RIOX2: variants seen among roughly 807,000 people sequenced by gnomAD.
RIOX2 encodes ribosomal oxygenase 2, also known as 60S ribosomal protein L27a histidine hydroxylase.
RIOX2 carries 43 observed loss-of-function variants against 51.2 expected under a neutral mutation model. That is an observed-to-expected ratio of 0.84 (90% CI 0.66 to 1.08). RIOX2 has a LOEUF of 1.08. Ranked by LOEUF, RIOX2 falls within the 50% of genes least tolerant of loss-of-function variation. RIOX2 has a pLI of 0.00. For synonymous variants in RIOX2, 226 were observed against 218.5 expected (o/e 1.03, Z -0.30); for missense variants, 566 against 561.7 (o/e 1.01, Z -0.08).
At chr3:97,962,212 G>GT (rs1043142718) in intron 2 of RIOX2, among the ~76,000 whole-genome samples, 36 of 152,102 alleles carry the variant, frequency 2.4e-4, no homozygotes, top group Admixed American at 1.4e-3. Flanking sequence ...AAGGAGCGGA[G>GT]TTAAAAAAAA....
intron 7 of RIOX2, 33 bp downstream of exon 7, chr3:97,949,811 T>G: frequency 1.2e-6 from 2 of 1,603,882 alleles, no homozygotes; most frequent in Non-Finnish European, 1.7e-6. Context: ...TGCATTAGCC[T>G]CTGACCACCC....
intron 2 of RIOX2, among the ~76,000 whole-genome samples, chr3:97,965,891 C>T (rs554078063): frequency 2.6e-5 from 4 of 152,312 alleles, no homozygotes; most frequent in South Asian, 4.1e-4. Flanking sequence ...ACTAGCTCAG[C>T]GAGAAGCATT....
In RIOX2 at chr3:97,942,979, A is replaced by ATTG. The variant is rs1317528760; in HGVS notation, c.*2204_*2205insCAA. On this transcript the variant is annotated 3_prime_UTR_variant, in exon 10 of 10. Coordinates refer to ENST00000394198, the MANE Select transcript of RIOX2 (RefSeq NM_153182.4). ...AGAGCACTTTGTTCTAAAGAATCACATTAAGGCACGCCACTTATACAATCA... is the reference window on the plus strand; with the variant it reads ...AGAGCACTTTGTTCTAAAGAATCACATTGTTAAGGCACGCCACTTATACAATCA... 6 of 430,308 alleles carry ATTG rather than the reference A, an allele frequency of 1.4e-5. No homozygotes were observed. Among genetic ancestry groups the ATTG allele is most frequent in the African/African-American group, 4.2e-5 (2 of 47,578 alleles). 26.7% of individuals were successfully genotyped at this position (430,308 alleles called of 1,614,324 possible).
At chr3:97,959,262 A>G in intron 3 of RIOX2, 83 bp from the exon 4 acceptor site, 1 of 1,238,090 alleles carries the variant, frequency 8.1e-7, no homozygotes, top group Middle Eastern at 2.8e-4. Flanking sequence ...TAGCCCTCTA[A>G]GGGGCTAATA....
rs776111591 is a variant in RIOX2, at chr3:97,967,192, C to T, written c.402G>A (p.Thr134=). 4.3e-6 allele frequency: 7 copies of T among 1,613,904 alleles called. No individual in the cohort carries two copies. The highest frequency in any genetic ancestry group is 4.5e-5 in the East Asian group (2 of 44,908). ...LRKDFDQKRA[T]IQFHQPQRFK... The stretch of plus-strand genomic sequence containing the variant: ...ATCTCTGAGGTTGGTGAAACTGAAT[C>T]GTTGCCCTTTTCTGATCAAAATCTT... The change falls in exon 2 of 10, where the codon ACG becomes ACA. Residue 134 remains threonine, a synonymous_variant. Transcript: ENST00000394198.
chr3:97,950,736 GCCTGGGCTGCAGCTA>G (rs775567309), intron 6 of RIOX2, 35 bp downstream of exon 6: 17 of 1,461,924 alleles, frequency 1.2e-5, no homozygotes, highest in Non-Finnish European at 1.6e-5. Context: ...ACTTCAGCTG[GCCTGGGCTGCAGCTA>G]CCATCCTTCA....
rs1658328674 is a variant in RIOX2, at chr3:97,942,741, T to C, written c.*2443A>G. The C allele has an allele frequency of 3.9e-6, 1 of 255,320 alleles. No homozygotes were observed. The highest frequency in any genetic ancestry group is 7.3e-6 in the Non-Finnish European group (1 of 137,470). The allele number at this position is 255,320 out of a possible 1,614,324, so 15.8% of individuals were successfully genotyped here. On this transcript the variant is annotated 3_prime_UTR_variant, in exon 10 of 10. Transcript: ENST00000394198. ...AACCATGAAATGAATGTCATCTGTT[T>C]CTTAGAAACATCTCTAGCTTTTTGC... is the stretch of plus-strand genomic sequence containing the variant.
intron 7 of RIOX2, among the ~76,000 whole-genome samples, chr3:97,949,377 T>A (rs1167475719): frequency 6.6e-6 from 1 of 152,144 alleles, no homozygotes; most frequent in Admixed American, 6.6e-5. Flanking sequence ...CAAATGCAGA[T>A]ACCAGCACCA....
intron 4 of RIOX2, among the ~76,000 whole-genome samples, chr3:97,954,783 C>T (rs1386787362): frequency 1.3e-5 from 2 of 152,118 alleles, no homozygotes; most frequent in Non-Finnish European, 2.9e-5. Flanking sequence ...CTACCCTGCC[C>T]TGATGCAGGG....
chr3:97,956,003 T>C (rs1390223055), intron 4 of RIOX2, among the ~76,000 whole-genome samples: 1 of 152,206 alleles, frequency 6.6e-6, no homozygotes, highest in African/African-American at 2.4e-5. Flanking sequence ...TTACTCTGGG[T>C]GAGCCCGTCA....
chr3:97,970,047 T>A (rs563496638), intron 1 of RIOX2, among the ~76,000 whole-genome samples: 1 of 152,258 alleles, frequency 6.6e-6, no homozygotes, highest in African/African-American at 2.4e-5. Flanking sequence ...TCACAATTGG[T>A]CAGTTTAAAA....
In RIOX2 at chr3:97,945,223, T is replaced by A; in HGVS notation, c.1359A>T (p.Val453=). ...LTTDEEKESL[V]LSLWTECLIQ... is the part of the protein sequence containing the mutation. ...TTAAACATTCTGTCCAGAGGGATAATACCAGGCTTTCCTTTTCCTCATCTG... is the reference window on the plus strand; with the variant it reads ...TTAAACATTCTGTCCAGAGGGATAAAACCAGGCTTTCCTTTTCCTCATCTG... The change falls in exon 10 of 10, where the codon GTA becomes GTT. Residue 453 remains valine, a synonymous_variant. Coordinates refer to ENST00000394198, the MANE Select transcript of RIOX2 (RefSeq NM_153182.4). 6.2e-7 allele frequency: 1 copy of A among 1,612,524 alleles called. No individual in the cohort carries two copies. The highest frequency in any genetic ancestry group is 8.5e-7 in the Non-Finnish European group (1 of 1,178,878).
At position 97,942,219 on chromosome 3, in the gene RIOX2, G is replaced by A. The variant is rs779007662; in HGVS notation, c.*2965C>T. 4.8e-5 allele frequency: 68 copies of A among 1,419,182 alleles called. No individual in the cohort carries two copies. Among genetic ancestry groups the A allele is most frequent in the Non-Finnish European group, 6.4e-5 (66 of 1,037,986 alleles). 87.9% of individuals were successfully genotyped at this position (1,419,182 alleles called of 1,614,324 possible). A position where few individuals can be genotyped will look rare whatever the true frequency, so the allele number is the denominator to read the frequency against. ...ATGACTTGTTTACCTAAGATAAAAG[G>A]GACCTAATTCAACTTACTTTAGCAA... On this transcript the variant is annotated 3_prime_UTR_variant, in exon 10 of 10. Transcript: ENST00000394198.
Position 97,943,369 on chromosome 3 carries a change from T to C in RIOX2, c.*1815A>G. On this transcript the variant is annotated 3_prime_UTR_variant, in exon 10 of 10. Coordinates refer to ENST00000394198, the MANE Select transcript of RIOX2 (RefSeq NM_153182.4). ...GAAAGAGCAAAGAAGGAAACACATCTGTCATTGTCTTGTGGACGTGGAAAG... is the reference window on the plus strand; with the variant it reads ...GAAAGAGCAAAGAAGGAAACACATCCGTCATTGTCTTGTGGACGTGGAAAG... 1 of 997,922 alleles carries C rather than the reference T, an allele frequency of 1.0e-6. No individual in the cohort carries two copies. Among genetic ancestry groups the C allele is most frequent in the Non-Finnish European group, 1.6e-6 (1 of 635,390 alleles). 61.8% of individuals were successfully genotyped at this position (997,922 alleles called of 1,614,324 possible).
intron 5 of RIOX2, chr3:97,952,006 T>C (rs1705272090): frequency 8.9e-6 from 4 of 446,938 alleles, no homozygotes; most frequent in Non-Finnish European, 1.8e-5. Context: ...AGAGTCAGAA[T>C]AGATATTGGG....
intron 8 of RIOX2, among the ~76,000 whole-genome samples, chr3:97,946,350 C>T (rs1171865125): frequency 1.3e-5 from 2 of 151,586 alleles, no homozygotes; most frequent in African/African-American, 2.4e-5. Context: ...GCTGTGTGAT[C>T]GATAAAAAAC....
rs778290705 is a variant in RIOX2, at chr3:97,942,281, T to C, written c.*2903A>G. On this transcript the variant is annotated 3_prime_UTR_variant, in exon 10 of 10. Coordinates refer to ENST00000394198, the MANE Select transcript of RIOX2 (RefSeq NM_153182.4). ...CCAATTAATCATTTCTTAACCCTTT[T>C]AGGCCAGTGATACATGTCTTGATGT... is the stretch of plus-strand genomic sequence containing the variant. The C allele has an allele frequency of 2.5e-6, 4 of 1,603,784 alleles. No individual in the cohort carries two copies. Among genetic ancestry groups the C allele is most frequent in the Non-Finnish European group, 3.4e-6 (4 of 1,173,914 alleles).
At chr3:97,969,557 A>G (rs1356482714) in intron 1 of RIOX2, among the ~76,000 whole-genome samples, 1 of 152,200 alleles carries the variant, frequency 6.6e-6, no homozygotes, top group African/African-American at 2.4e-5. Flanking sequence ...GTGGCTCACC[A>G]TGCCTAAAAT....
At chr3:97,969,042 A>C (rs191641898) in intron 1 of RIOX2, among the ~76,000 whole-genome samples, 1 of 152,338 alleles carries the variant, frequency 6.6e-6, no homozygotes, top group East Asian at 1.9e-4. Flanking sequence ...TTATAAAAGA[A>C]ACTTTAGATT....
Sources: gnomAD v4.1 joint callset for allele counts (sites outside exome capture counted in the v4.1 genomes callset) on GRCh38, gnomAD v4.1.1 for gene constraint, MANE v1.5 for transcripts, NCBI Gene and HGNC (gene_info 2026-07-23, HGNC 2026-07-21) for gene names.